The following PWWP2A variants were observed in gnomAD, a reference collection of about 807,000 sequenced individuals.
PWWP2A encodes PWWP domain containing 2A, also known as PWWP domain-containing protein 2A.
A neutral mutation model predicts 48.5 loss-of-function variants in PWWP2A; 18 were observed. The observed-to-expected ratio is 0.37, with a 90% CI of 0.26 to 0.55. PWWP2A has a LOEUF of 0.55. Among genes scored for constraint, PWWP2A ranks in the 20% least tolerant of loss-of-function variants. The probability of loss-of-function intolerance (pLI) is 0.81; values close to 1 mark genes in which losing one functional copy is unlikely to be tolerated. For synonymous variants in PWWP2A, 396 were observed against 387.7 expected (o/e 1.02, Z -0.25); for missense variants, 867 against 976.4 (o/e 0.89, Z 1.49).
At chr5:160,071,555 T>C (rs150075374), downstream of PWWP2A, among the ~76,000 whole-genome samples, 425 of 152,286 alleles carry the variant, frequency 2.8e-3, 4 homozygotes, top group African/African-American at 9.7e-3. Context: ...GCTTTAATCT[T>C]GGGAAAGATC....
Position 160,094,034 on chromosome 5 carries a change from A to G in PWWP2A, c.616T>C (p.Phe206Leu). Residue 206 changes from phenylalanine (F) to leucine (L), a missense_variant, in exon 2 of 2, where the codon TTT becomes CTT. By Grantham distance (22) the Phe-to-Leu change is conservative (BLOSUM62 0). This residue lies in a region of PWWP2A where 385 missense variants were observed against 396.9 expected (regional missense o/e 0.97). Transcript: ENST00000307063. ...TTATCCTTATATTCCCTTTTGGGAA[A>G]TACTGTCACAGGGATACCATGGGGC... ...FGPHGIPVTVFPKREYKDKPE... is the reference protein window; with the variant it reads ...FGPHGIPVTVLPKREYKDKPE... 1.2e-6 allele frequency: 2 copies of G among 1,613,394 alleles called. No homozygotes were observed. The highest frequency in any genetic ancestry group is 1.7e-6 in the Non-Finnish European group (2 of 1,179,378).
chr5:160,097,568 C>T (rs1289300489), intron 1 of PWWP2A, among the ~76,000 whole-genome samples: 5 of 151,144 alleles, frequency 3.3e-5, no homozygotes, highest in African/African-American at 4.9e-5. Context: ...AGGTGAAAGT[C>T]GCAGTGAGCC....
chr5:160,045,254 C>G, the PWWP2A span, among the ~76,000 whole-genome samples: 1 of 152,166 alleles, frequency 6.6e-6, no homozygotes, highest in East Asian at 1.9e-4. Context: ...AGTGTAGGAG[C>G]CTTGCCTAGA....
At chr5:160,057,421 A>G (rs893307033), downstream of PWWP2A, among the ~76,000 whole-genome samples, 1 of 151,834 alleles carries the variant, frequency 6.6e-6, no homozygotes, top group Non-Finnish European at 1.5e-5. The surrounding 1 kb of genome is among the most constrained non-coding windows in gnomAD (Gnocchi z 4.4). Context: ...AAAAAAATGT[A>G]CATACCTTAA....
chr5:160,064,529 C>T (rs1404890672), intron 4 of PWWP2A, among the ~76,000 whole-genome samples: 3 of 152,210 alleles, frequency 2.0e-5, no homozygotes, highest in East Asian at 1.9e-4. Flanking sequence ...CTTGGAGGGA[C>T]CTCTGCCCTC....
At chr5:160,053,349 T>C in the PWWP2A span, among the ~76,000 whole-genome samples, 1 of 152,084 alleles carries the variant, frequency 6.6e-6, no homozygotes. Context: ...TCCCAGCAAT[T>C]TGGGAGGCTG....
intron 1 of PWWP2A, among the ~76,000 whole-genome samples, chr5:160,095,240 T>G (rs1755512974): frequency 6.6e-6 from 1 of 152,120 alleles, no homozygotes; most frequent in East Asian, 1.9e-4. Context: ...TAAACTGATT[T>G]GAAAACTCCA....
chr5:160,106,716 A>G (rs545507351), intron 1 of PWWP2A, among the ~76,000 whole-genome samples: 4 of 151,768 alleles, frequency 2.6e-5, no homozygotes, highest in Non-Finnish European at 5.9e-5. Flanking sequence ...AAGACTAATC[A>G]CCAGCTCTAC....
chr5:160,060,864 C>T (rs1753364892), downstream of PWWP2A, among the ~76,000 whole-genome samples: 1 of 152,246 alleles, frequency 6.6e-6, no homozygotes, highest in Non-Finnish European at 1.5e-5. Flanking sequence ...TGACCACACT[C>T]TGGCTTCAGA....
chr5:160,097,544 C>T (rs1241685613), intron 1 of PWWP2A, among the ~76,000 whole-genome samples: 3 of 151,344 alleles, frequency 2.0e-5, no homozygotes, highest in Middle Eastern at 3.4e-3. Context: ...GCAGGAGAAT[C>T]GCTTGAACCC....
chr5:160,045,893 C>T, the PWWP2A span, among the ~76,000 whole-genome samples: 7 of 152,204 alleles, frequency 4.6e-5, 1 homozygote, highest in South Asian at 1.5e-3. Flanking sequence ...CGGGCGCATG[C>T]CACCATGCCC....
At chr5:160,049,487 TA>T in the PWWP2A span, 1 of 1,544,428 alleles carries the variant, frequency 6.5e-7, no homozygotes, top group South Asian at 1.3e-5. Context: ...TTCTTTGTGA[TA>T]AAAATTATTT....
At chr5:160,104,479 G>C (rs1005554808) in intron 1 of PWWP2A, among the ~76,000 whole-genome samples, 1 of 151,720 alleles carries the variant, frequency 6.6e-6, no homozygotes, top group Non-Finnish European at 1.5e-5. Context: ...CTTCTGTCTA[G>C]TGATGTAATT....
intron 1 of PWWP2A, among the ~76,000 whole-genome samples, chr5:160,108,273 T>TA (rs1230574945): frequency 6.6e-6 from 1 of 152,186 alleles, no homozygotes; most frequent in East Asian, 1.9e-4. Flanking sequence ...AAAGATCATA[T>TA]TAATGCAACA....
chr5:160,086,669 G>T (rs1754669839), downstream of PWWP2A, among the ~76,000 whole-genome samples: 1 of 152,108 alleles, frequency 6.6e-6, no homozygotes, highest in African/African-American at 2.4e-5. Flanking sequence ...GAGGCGGGTG[G>T]ATCACCTGAG....
chr5:160,080,356 A>T (rs1754141863), intron 3 of PWWP2A, among the ~76,000 whole-genome samples: 1 of 152,190 alleles, frequency 6.6e-6, no homozygotes, highest in African/African-American at 2.4e-5. Flanking sequence ...TTGCTATTTG[A>T]CATAATTCTG....
At chr5:160,114,723 A>G (rs745310240) in intron 1 of PWWP2A, among the ~76,000 whole-genome samples, 57 of 148,218 alleles carry the variant, frequency 3.8e-4, no homozygotes, top group Non-Finnish European at 7.4e-4. Context: ...AGATTGTGCC[A>G]TTGCACTCCA....
chr5:160,045,491 CACACACACACACACACACACACAT>C, the PWWP2A span, among the ~76,000 whole-genome samples: 1,493 of 120,936 alleles, frequency 0.012, 38 homozygotes, highest in Admixed American at 0.021. Flanking sequence ...CACACACACA[CACACACACACACACACACACACAT>C]ACACACTCTC....
downstream of PWWP2A, among the ~76,000 whole-genome samples, chr5:160,071,600 A>C (rs1420338389): frequency 6.6e-6 from 1 of 152,170 alleles, no homozygotes; most frequent in African/African-American, 2.4e-5. Context: ...CCCCAAGACC[A>C]AAGCGCAAAT....
Sources: allele counts gnomAD v4.1 joint callset (sites outside exome capture counted in the v4.1 genomes callset), GRCh38; gene constraint gnomAD v4.1.1; regional missense constraint gnomAD v4.1.1; non-coding constraint Gnocchi (gnomAD v3.1); transcripts MANE v1.5; gene names NCBI Gene and HGNC (gene_info 2026-07-23, HGNC 2026-07-21).